The following SLC4A4 variants were observed in gnomAD, a reference collection of about 807,000 sequenced individuals.
The protein encoded by SLC4A4 is solute carrier family 4 member 4, also known as electrogenic sodium bicarbonate cotransporter 1.
Under a neutral mutation model 111.5 loss-of-function variants are expected in SLC4A4, and 27 were observed. The ratio of observed to expected loss-of-function variants is 0.24; its 90% CI spans 0.18 to 0.33. The LOEUF is 0.33. Among genes scored for constraint, SLC4A4 ranks in the 10% least tolerant of loss-of-function variants. The pLI, the probability that SLC4A4 is intolerant of heterozygous loss-of-function variation, is 1.00. For synonymous variants in SLC4A4, 443 were observed against 463.4 expected (o/e 0.96, Z 0.57); for missense variants, 909 against 1,315.5 (o/e 0.69, Z 4.78).
At chr4:71,158,631 A>T (rs1293606896) in intron 2 of SLC4A4, among the ~76,000 whole-genome samples, 1 of 152,206 alleles carries the variant, frequency 6.6e-6, no homozygotes, top group Non-Finnish European at 1.5e-5. Flanking sequence ...CCGAAAAAGG[A>T]ATGACTGACT....
intron 2 of SLC4A4, among the ~76,000 whole-genome samples, chr4:71,106,643 AATC>A (rs1389663120): frequency 6.8e-6 from 1 of 146,634 alleles, no homozygotes; most frequent in Non-Finnish European, 1.5e-5. Context: ...TGAAACTGGA[AATC>A]ATCATTCTCA....
rs1207618326 is a variant in SLC4A4 at position 71,330,409 on chromosome 4, G to C, written c.254-8961G>C. 2.6e-5 allele frequency among the ~76,000 whole-genome samples: 4 copies of C among 152,114 alleles called. No individual in the cohort carries two copies. The East Asian group carries it at 7.7e-4, about 29-fold the overall frequency. On this transcript the variant is annotated intron_variant, in intron 3 of 25. Transcript: ENST00000264485. ...AGATATAGACCAATGGAACAGAACA[G>C]AGCCCTCAGAAATAATACCACACAT...
intron 2 of SLC4A4, among the ~76,000 whole-genome samples, chr4:71,150,599 G>A (rs1334347565): frequency 1.3e-5 from 2 of 152,100 alleles, no homozygotes; most frequent in Non-Finnish European, 2.9e-5. Flanking sequence ...AGCATGACAA[G>A]CAGAAAAGAT....
At chr4:71,205,087 A>G (rs1487699072) in intron 1 of SLC4A4, among the ~76,000 whole-genome samples, 2 of 152,328 alleles carry the variant, frequency 1.3e-5, no homozygotes, top group African/African-American at 4.8e-5. Context: ...GACAATACCT[A>G]CATTAGCCAG....
At chr4:71,322,144 C>T (rs1383225336) in intron 3 of SLC4A4, among the ~76,000 whole-genome samples, 7 of 151,794 alleles carry the variant, frequency 4.6e-5, no homozygotes, top group Non-Finnish European at 1.0e-4. Context: ...GGAATGTCAC[C>T]TTTTTTCAAA....
chr4:71,225,044 G>A (rs1718964396), intron 1 of SLC4A4, among the ~76,000 whole-genome samples: 1 of 152,164 alleles, frequency 6.6e-6, no homozygotes, highest in Non-Finnish European at 1.5e-5. Context: ...TATTTAAAAT[G>A]TGACTGAAAA....
At chr4:71,147,131 A>G (rs1230940110) in intron 2 of SLC4A4, among the ~76,000 whole-genome samples, 1 of 152,190 alleles carries the variant, frequency 6.6e-6, no homozygotes, top group Non-Finnish European at 1.5e-5. Context: ...AAAGATCAAA[A>G]GAGACAAAGA....
At chr4:71,212,584 G>T (rs905877195) in intron 1 of SLC4A4, among the ~76,000 whole-genome samples, 5 of 152,214 alleles carry the variant, frequency 3.3e-5, no homozygotes, top group Non-Finnish European at 7.3e-5. Flanking sequence ...AGAACCATGG[G>T]ATATGAAAGT....
chr4:71,254,141 G>A (rs2579353), intron 2 of SLC4A4, among the ~76,000 whole-genome samples: 135,337 of 152,182 alleles, frequency 0.89, 61,730 homozygotes, highest in Non-Finnish European at 0.99. Flanking sequence ...GAATAATTCC[G>A]GAAATGGGAA....
chr4:71,120,098 T>C (rs1578497970), intron 2 of SLC4A4, among the ~76,000 whole-genome samples: 1 of 152,222 alleles, frequency 6.6e-6, no homozygotes, highest in Non-Finnish European at 1.5e-5. Context: ...ACTCGGTTCT[T>C]ATGCTTGTGG....
intron 2 of SLC4A4, among the ~76,000 whole-genome samples, chr4:71,180,784 G>A (rs1179252280): frequency 6.6e-6 from 1 of 152,186 alleles, no homozygotes; most frequent in Non-Finnish European, 1.5e-5. Flanking sequence ...GTGGAAGTCA[G>A]TGTGGCGATT....
At chr4:71,071,929 G>T (rs1022514519) in intron 1 of SLC4A4, among the ~76,000 whole-genome samples, 3 of 152,170 alleles carry the variant, frequency 2.0e-5, no homozygotes, top group African/African-American at 7.2e-5. Flanking sequence ...TGAGTTAAAG[G>T]CATGTACACT....
At chr4:71,547,932 G>T (rs1216630225) in intron 20 of SLC4A4, among the ~76,000 whole-genome samples, 1 of 151,800 alleles carries the variant, frequency 6.6e-6, no homozygotes, top group Non-Finnish European at 1.5e-5. Flanking sequence ...TAGTTTTGCA[G>T]TTATTTGATT....
rs964602259 is a variant in SLC4A4 at position 71,289,179 on chromosome 4, A to G, written c.253+33780A>G. On this transcript the variant is annotated intron_variant, in intron 3 of 25. Transcript: ENST00000264485. ...TTGCCTTCCTTTCAGCAGGTGGACA[A>G]GCTAACAAGGAAAACATAATAAAGG... 2.0e-3 allele frequency among the ~76,000 whole-genome samples: 298 copies of G among 152,236 alleles called. 4 individuals are homozygous for G. Among genetic ancestry groups the G allele is most frequent in the Non-Finnish European group, 3.1e-3 (208 of 68,038 alleles).
intron 2 of SLC4A4, among the ~76,000 whole-genome samples, chr4:71,102,061 C>A (rs1200304856): frequency 1.3e-5 from 2 of 151,680 alleles, no homozygotes; most frequent in Non-Finnish European, 2.9e-5. Context: ...ATAACCAATA[C>A]AGAGAAGTGC....
chr4:71,203,450 T>C (rs1350838498), intron 1 of SLC4A4, among the ~76,000 whole-genome samples: 1 of 152,206 alleles, frequency 6.6e-6, no homozygotes. Flanking sequence ...ATTTCTACTC[T>C]TGTATATTTA....
chr4:71,491,307 T>G (rs1257480137), intron 15 of SLC4A4, among the ~76,000 whole-genome samples: 2 of 151,924 alleles, frequency 1.3e-5, no homozygotes, highest in Non-Finnish European at 2.9e-5. Flanking sequence ...CTCATTTATA[T>G]TTTTAAAAGC....
intron 1 of SLC4A4, among the ~76,000 whole-genome samples, chr4:71,224,302 C>T (rs896770116): frequency 1.3e-5 from 2 of 152,190 alleles, no homozygotes; most frequent in African/African-American, 4.8e-5. Flanking sequence ...TCCTCCCGCT[C>T]TTGTTCCTCA....
chr4:71,339,765 A>T (rs1446621894), intron 4 of SLC4A4, among the ~76,000 whole-genome samples: 2 of 152,184 alleles, frequency 1.3e-5, no homozygotes, highest in Non-Finnish European at 2.9e-5. Context: ...AGGAATTAGA[A>T]ATAAAGCTCA....
Sources: allele counts gnomAD v4.1 joint callset (sites outside exome capture counted in the v4.1 genomes callset), GRCh38; gene constraint gnomAD v4.1.1; transcripts MANE v1.5; gene names NCBI Gene and HGNC (gene_info 2026-07-23, HGNC 2026-07-21).